FTCDNL1: variants seen among roughly 807,000 people sequenced by gnomAD.
FTCDNL1 encodes formiminotransferase cyclodeaminase N-terminal like.
In FTCDNL1, 11 loss-of-function variants were observed where a neutral mutation model predicts 5.9. The ratio of observed to expected loss-of-function variants is 1.87; its 90% CI spans 1.18 to 3.10. FTCDNL1 has a LOEUF of 3.10. FTCDNL1 is among the 30% of genes most tolerant of loss of function. The pLI is 0.00. For synonymous variants in FTCDNL1, 58 were observed against 24.8 expected (o/e 2.34, Z -3.99); for missense variants, 115 against 65.5 (o/e 1.76, Z -2.61).
chr2:199,800,002 T>C (rs1700364123), intron 3 of FTCDNL1, among the ~76,000 whole-genome samples: 2 of 152,018 alleles, frequency 1.3e-5, no homozygotes, highest in South Asian at 2.1e-4. Context: ...GGTTACAGGA[T>C]AATCACTTTT....
At chr2:199,762,100 G>T (rs1335484001) in intron 3 of FTCDNL1, among the ~76,000 whole-genome samples, 1 of 152,172 alleles carries the variant, frequency 6.6e-6, no homozygotes, top group Non-Finnish European at 1.5e-5. Flanking sequence ...CAAATTTATG[G>T]CCGGGTGTGG....
chr2:199,841,429 T>C (rs2076585562), intron 3 of FTCDNL1, among the ~76,000 whole-genome samples: 1 of 151,944 alleles, frequency 6.6e-6, no homozygotes, highest in Admixed American at 6.6e-5. Context: ...GTCCAAAATA[T>C]TGGGGAAAAA....
rs1701003703 is a variant in FTCDNL1, at chr2:199,810,982, T to C, written c.*1723A>G. 6.6e-6 allele frequency among the ~76,000 whole-genome samples: 1 copy of C among 152,176 alleles called. No individual in the cohort carries two copies. The highest frequency in any genetic ancestry group is 2.4e-5 in the African/African-American group (1 of 41,440). On this transcript the variant is annotated 3_prime_UTR_variant, in exon 5 of 5. Coordinates refer to ENST00000420128, the MANE Select transcript of FTCDNL1 (RefSeq NM_001363886.2). ...CCTAGCCTGGCTACTCTCATACTAA[T>C]AGATGTTTTACAGAAAATCAGCACA...
chr2:199,822,029 T>C (rs1701724821), intron 3 of FTCDNL1, among the ~76,000 whole-genome samples: 1 of 152,220 alleles, frequency 6.6e-6, no homozygotes, highest in Non-Finnish European at 1.5e-5. Context: ...ATATAAAAGT[T>C]ATGTTTATAT....
the FTCDNL1 span, among the ~76,000 whole-genome samples, chr2:199,753,683 G>A: frequency 0.064 from 9,755 of 152,164 alleles, 621 homozygotes; most frequent in Admixed American, 0.15. Flanking sequence ...TCTCCCCTTC[G>A]GTTTGTTGCC....
chr2:199,754,730 TG>T, the FTCDNL1 span, among the ~76,000 whole-genome samples: 1 of 152,132 alleles, frequency 6.6e-6, no homozygotes. Flanking sequence ...GTTCACAGAT[TG>T]GGGGCTTCGG....
At chr2:199,786,892 G>T (rs1006174022) in intron 3 of FTCDNL1, among the ~76,000 whole-genome samples, 1 of 152,154 alleles carries the variant, frequency 6.6e-6, no homozygotes, top group Non-Finnish European at 1.5e-5. Context: ...TGAAAATCAA[G>T]GTGTCACCTG....
chr2:199,739,293 C>T, the FTCDNL1 span, among the ~76,000 whole-genome samples: 15 of 152,276 alleles, frequency 9.9e-5, no homozygotes, highest in African/African-American at 3.4e-4. Flanking sequence ...TCTACCACTT[C>T]GGAATCGGGG....
chr2:199,739,376 A>C, the FTCDNL1 span, among the ~76,000 whole-genome samples: 1 of 152,212 alleles, frequency 6.6e-6, no homozygotes, highest in African/African-American at 2.4e-5. Flanking sequence ...TATTTTCAGA[A>C]GGAGCTTTAC....
chr2:199,823,761 C>T (rs915834987), intron 3 of FTCDNL1, among the ~76,000 whole-genome samples: 1 of 152,270 alleles, frequency 6.6e-6, no homozygotes, highest in South Asian at 2.1e-4. Flanking sequence ...AGATTTAGTA[C>T]AATTCCTAAA....
chr2:199,761,723 C>G (rs1172135133), intron 3 of FTCDNL1, among the ~76,000 whole-genome samples: 2 of 152,190 alleles, frequency 1.3e-5, no homozygotes, highest in African/African-American at 4.8e-5. Flanking sequence ...CACTACACCC[C>G]AGCCATGCTG....
At chr2:199,667,153 T>A in the FTCDNL1 span, among the ~76,000 whole-genome samples, 1 of 152,170 alleles carries the variant, frequency 6.6e-6, no homozygotes, top group Non-Finnish European at 1.5e-5. Flanking sequence ...TGATCATAAA[T>A]GCCCCTACCA....
the FTCDNL1 span, among the ~76,000 whole-genome samples, chr2:199,665,609 G>C: frequency 6.7e-6 from 1 of 148,622 alleles, no homozygotes; most frequent in South Asian, 2.1e-4. Flanking sequence ...ATATCAGCCT[G>C]GGCAACAAGA....
At chr2:199,805,402 G>T (rs193269270), downstream of FTCDNL1, among the ~76,000 whole-genome samples, 3 of 152,196 alleles carry the variant, frequency 2.0e-5, no homozygotes, top group East Asian at 5.8e-4. Context: ...TTTAAGACCA[G>T]CCTGGGCAAC....
chr2:199,778,107 G>T (rs1699182826), intron 3 of FTCDNL1, among the ~76,000 whole-genome samples: 1 of 152,190 alleles, frequency 6.6e-6, no homozygotes, highest in Admixed American at 6.5e-5. Flanking sequence ...ATCCAAAACA[G>T]GAAGTCTGGT....
At chr2:199,815,695 G>A (rs1337605206) in intron 4 of FTCDNL1, among the ~76,000 whole-genome samples, 3 of 152,094 alleles carry the variant, frequency 2.0e-5, no homozygotes, top group Non-Finnish European at 4.4e-5. Context: ...AGTAGATATT[G>A]CTTCAAAAAA....
chr2:199,794,982 T>C (rs1196880215), intron 3 of FTCDNL1, among the ~76,000 whole-genome samples: 6 of 152,298 alleles, frequency 3.9e-5, no homozygotes, highest in African/African-American at 9.6e-5. Flanking sequence ...TGTAGGGACT[T>C]TGGAGTCAGA....
chr2:199,717,776 T>C, the FTCDNL1 span, among the ~76,000 whole-genome samples: 1 of 151,756 alleles, frequency 6.6e-6, no homozygotes, highest in African/African-American at 2.4e-5. Context: ...CTTCCAGGGC[T>C]TGACAGATTA....
At position 199,788,010 on chromosome 2, in the gene FTCDNL1, A is replaced by T. The variant is rs1699746525; in HGVS notation, c.212-27175T>A. On this transcript the variant is annotated intron_variant, in intron 3 of 3. Transcript: ENST00000416668. ...TTCCATGCAGAAACTGGATTTCTGC[A>T]TTTAAAATAATAACCAAAACATGAA... is the stretch of plus-strand genomic sequence containing the variant. Among the ~76,000 whole-genome samples, 3 of 152,374 alleles carry T rather than the reference A, an allele frequency of 2.0e-5. No individual in the cohort carries two copies. The South Asian group carries it at 6.2e-4, about 32-fold the overall frequency.
Sources: gnomAD v4.1 joint callset for allele counts (sites outside exome capture counted in the v4.1 genomes callset) on GRCh38, gnomAD v4.1.1 for gene constraint, MANE v1.5 for transcripts, NCBI Gene and HGNC (gene_info 2026-07-23, HGNC 2026-07-21) for gene names.